Variants in CDH10 observed in about 807,000 individuals in gnomAD.
CDH10 encodes the protein cadherin 10.
Under a neutral mutation model 73.1 loss-of-function variants are expected in CDH10, and 30 were observed. That is an observed-to-expected ratio of 0.41 (90% CI 0.31 to 0.56). The LOEUF (loss-of-function observed/expected upper bound fraction) is 0.56. Ranked by LOEUF, CDH10 falls within the 20% of genes least tolerant of loss-of-function variation. CDH10 has a pLI of 0.27. For missense variants in CDH10, 815 were observed against 973.7 expected, an observed-to-expected ratio of 0.84 and a Z score of 2.17; for synonymous variants, 345 against 348.2, an observed-to-expected ratio of 0.99 and a Z score of 0.10.
chr5:24,487,923 T>C lies in CDH10; in HGVS notation c.2107A>G (p.Thr703Ala), dbSNP rs1741901710. The change falls in exon 12 of 12, where the codon ACA becomes GCA. Residue 703 changes from threonine to alanine, a missense_variant. This residue lies in a region of CDH10 where 241 missense variants were observed against 240.3 expected (regional missense o/e 1.00). Coordinates refer to ENST00000264463, the MANE Select transcript of CDH10 (RefSeq NM_006727.5). ...CGGACGTCCGTGTTATCTGGAGCTG[T>C]AGGAGTCCTCCGAGGAATAAATAAC... ...ETLFIPRRTP[T>A]APDNTDVRDF... 1.9e-6 allele frequency: 3 copies of C among 1,613,960 alleles called. No individual in the cohort carries two copies. Among genetic ancestry groups the C allele is most frequent in the Non-Finnish European group, 2.5e-6 (3 of 1,179,942 alleles).
At chr5:24,602,157 A>G (rs1746586609) in intron 1 of CDH10, among the ~76,000 whole-genome samples, 1 of 152,200 alleles carries the variant, frequency 6.6e-6, no homozygotes, top group African/African-American at 2.4e-5. Flanking sequence ...ACTAATCACT[A>G]CAACAAAAAT....
At position 24,535,112 on chromosome 5, in the gene CDH10, T is replaced by C; in HGVS notation, c.814A>G (p.Asn272Asp). The change falls in exon 5 of 12, where the codon AAC (asparagine) becomes GAC (aspartate). Residue 272 changes from asparagine (N) to aspartate (D), a missense_variant and splice_region_variant. Physicochemically the swap from Asn to Asp is conservative, Grantham distance 23 (BLOSUM62 1). Transcript: ENST00000264463. ...VNDNPPRFPQ[N>D]TIHLRVLESS... ...AGAATGACCATTAAAGGGTGCTTAC[T>C]CTGGGGGAAACGTGGTGGGTTGTCA... is the stretch of plus-strand genomic sequence containing the variant. The C allele has an allele frequency of 6.2e-7, 1 of 1,604,704 alleles. No individual in the cohort carries two copies. The highest frequency in any genetic ancestry group is 8.5e-7 in the Non-Finnish European group (1 of 1,177,376).
intron 2 of CDH10, among the ~76,000 whole-genome samples, chr5:24,576,001 C>G (rs1242474755): frequency 6.6e-6 from 1 of 152,024 alleles, no homozygotes; most frequent in Non-Finnish European, 1.5e-5. Context: ...AATATTGACT[C>G]CTGCTGATTT....
intron 2 of CDH10, among the ~76,000 whole-genome samples, chr5:24,590,490 C>CA (rs1746163033): frequency 6.6e-6 from 1 of 151,672 alleles, no homozygotes; most frequent in African/African-American, 2.4e-5. Flanking sequence ...GTTGATAAAC[C>CA]AAGGGGAGAG....
rs139183610 is a variant in CDH10 at position 24,511,630 on chromosome 5, C to T, written c.815-116G>A. ...ATAGCCAAAAGCAAAACATGTAAGA[C>T]GCAATATAATAGATCTTAAACTCTA... is the stretch of plus-strand genomic sequence containing the variant. On this transcript the variant is annotated intron_variant, in intron 5 of 11. Transcript: ENST00000264463. 116 of 609,926 alleles carry T rather than the reference C, an allele frequency of 1.9e-4. 1 individual carries two copies. In the Middle Eastern group the frequency reaches 2.1e-3, roughly 11 times the overall value. The allele number at this position is 609,926 out of a possible 1,614,324, so 37.8% of individuals were successfully genotyped here.
chr5:24,610,814 G>A (rs986353141), intron 1 of CDH10, among the ~76,000 whole-genome samples: 1 of 152,200 alleles, frequency 6.6e-6, no homozygotes, highest in African/African-American at 2.4e-5. Flanking sequence ...TAGGGCTGGA[G>A]AAAGTGGGGA....
In CDH10 at chr5:24,535,284, A is replaced by C; in HGVS notation, c.647-5T>G. On this transcript the variant is annotated splice_region_variant and splice_polypyrimidine_tract_variant and intron_variant, in intron 4 of 11. Transcript: ENST00000264463. ...GTAAAGCAGTCCTGATGATACCTTGAGAAAATATAAAAAAACTTCCATTAT... is the reference window on the plus strand; with the variant it reads ...GTAAAGCAGTCCTGATGATACCTTGCGAAAATATAAAAAAACTTCCATTAT... 1 of 1,600,024 alleles carries C rather than the reference A, an allele frequency of 6.2e-7. No individual in the cohort carries two copies. Among genetic ancestry groups the C allele is most frequent in the Non-Finnish European group, 8.5e-7 (1 of 1,176,242 alleles).
intron 2 of CDH10, among the ~76,000 whole-genome samples, chr5:24,551,725 T>G (rs1744553363): frequency 6.6e-6 from 1 of 152,190 alleles, no homozygotes; most frequent in Admixed American, 6.5e-5. Context: ...TGATTTTTAA[T>G]TCCAATTTTG....
chr5:24,518,344 T>C (rs1057009552), intron 5 of CDH10, among the ~76,000 whole-genome samples: 5 of 151,840 alleles, frequency 3.3e-5, no homozygotes, highest in African/African-American at 1.2e-4. Context: ...GAACAACACA[T>C]CAAACGCATG....
chr5:24,583,629 T>C (rs1157945569), intron 2 of CDH10, among the ~76,000 whole-genome samples: 1 of 152,194 alleles, frequency 6.6e-6, no homozygotes, highest in Admixed American at 6.5e-5. Flanking sequence ...TATTAATAAA[T>C]GTAAGAATAT....
At chr5:24,638,633 G>T (rs1747946124) in intron 1 of CDH10, among the ~76,000 whole-genome samples, 1 of 151,772 alleles carries the variant, frequency 6.6e-6, no homozygotes, top group Non-Finnish European at 1.5e-5. Flanking sequence ...GAATAAATCT[G>T]CATGTTGCTG....
chr5:24,521,218 TC>T (rs1743319094), intron 5 of CDH10, among the ~76,000 whole-genome samples: 1 of 152,072 alleles, frequency 6.6e-6, no homozygotes, highest in Admixed American at 6.6e-5. Flanking sequence ...TGCAGAACAA[TC>T]CACATACAAG....
At chr5:24,567,683 A>T (rs1261286387) in intron 2 of CDH10, among the ~76,000 whole-genome samples, 3 of 152,052 alleles carry the variant, frequency 2.0e-5, no homozygotes, top group African/African-American at 7.2e-5. Flanking sequence ...ATTTCAGGGT[A>T]ATGAAAATGA....
At chr5:24,631,895 C>G (rs1196935347) in intron 1 of CDH10, among the ~76,000 whole-genome samples, 3 of 151,944 alleles carry the variant, frequency 2.0e-5, no homozygotes, top group Non-Finnish European at 2.9e-5. Context: ...AGGAAAGGAT[C>G]ATTTTTTAAA....
At chr5:24,571,269 T>G (rs1745370869) in intron 2 of CDH10, among the ~76,000 whole-genome samples, 1 of 152,004 alleles carries the variant, frequency 6.6e-6, no homozygotes, top group Non-Finnish European at 1.5e-5. Flanking sequence ...ATTGTAGAGA[T>G]AAAGGGCAAA....
At chr5:24,532,827 T>C (rs990307964) in intron 5 of CDH10, among the ~76,000 whole-genome samples, 19 of 152,056 alleles carry the variant, frequency 1.2e-4, no homozygotes, top group African/African-American at 4.6e-4. Flanking sequence ...GGTATAATAA[T>C]AGTAATGGTG....
chr5:24,530,358 C>G (rs1743695110), intron 5 of CDH10, among the ~76,000 whole-genome samples: 1 of 151,894 alleles, frequency 6.6e-6, no homozygotes, highest in African/African-American at 2.4e-5. Context: ...TTGGTTTTGT[C>G]AAGCCCTACA....
chr5:24,508,310 T>C (rs965413311), intron 7 of CDH10, among the ~76,000 whole-genome samples: 3 of 152,226 alleles, frequency 2.0e-5, no homozygotes, highest in African/African-American at 7.2e-5. Context: ...TTGATTCTTT[T>C]TCATTTTCAG....
chr5:24,502,599 T>A (rs1178804782), intron 8 of CDH10, among the ~76,000 whole-genome samples: 2 of 152,178 alleles, frequency 1.3e-5, no homozygotes, highest in Non-Finnish European at 2.9e-5. Context: ...TTCTACAGAT[T>A]GATTTTATTT....
Sources: allele counts gnomAD v4.1 joint callset (sites outside exome capture counted in the v4.1 genomes callset), GRCh38; gene constraint gnomAD v4.1.1; regional missense constraint gnomAD v4.1.1; transcripts MANE v1.5; gene names NCBI Gene and HGNC (gene_info 2026-07-23, HGNC 2026-07-21).